Variants in CTNNA2 observed in about 807,000 individuals in gnomAD.
CTNNA2 encodes the protein catenin alpha 2, also known as catenin alpha-2.
Under a neutral mutation model 101.0 loss-of-function variants are expected in CTNNA2, and 42 were observed. That is an observed-to-expected ratio of 0.42 (90% CI 0.32 to 0.54). The LOEUF is 0.54. Ranked by LOEUF, CTNNA2 falls within the 20% of genes least tolerant of loss-of-function variation. CTNNA2 has a pLI of 0.14. For missense variants in CTNNA2, 871 were observed against 1,223.1 expected, an observed-to-expected ratio of 0.71 and a Z score of 4.29; for synonymous variants, 450 against 456.4, an observed-to-expected ratio of 0.99 and a Z score of 0.18.
At chr2:79,531,883 T>C (rs1380427010) in intron 1 of CTNNA2, among the ~76,000 whole-genome samples, 2 of 152,078 alleles carry the variant, frequency 1.3e-5, no homozygotes, top group South Asian at 2.1e-4. Context: ...GGTTTCACCA[T>C]GTTGGTCAGG....
chr2:80,623,685 A>C (rs927397916), intron 18 of CTNNA2, among the ~76,000 whole-genome samples: 3 of 151,854 alleles, frequency 2.0e-5, no homozygotes, highest in Non-Finnish European at 2.9e-5. Flanking sequence ...CATGTTGCAA[A>C]AACTTCTTGA....
chr2:79,973,973 A>G (rs1005351533), intron 7 of CTNNA2, among the ~76,000 whole-genome samples: 4 of 107,254 alleles, frequency 3.7e-5, no homozygotes, highest in Non-Finnish European at 8.1e-5. Flanking sequence ...TTTGTTTTTG[A>G]GTAATGTTGC....
intron 15 of CTNNA2, among the ~76,000 whole-genome samples, chr2:80,603,361 G>C (rs1272349932): frequency 1.3e-5 from 2 of 151,982 alleles, no homozygotes; most frequent in African/African-American, 2.4e-5. Flanking sequence ...GAAAATATTA[G>C]GGTGATGGTT....
chr2:80,074,397 C>A (rs1262609957), intron 7 of CTNNA2, among the ~76,000 whole-genome samples: 1 of 152,086 alleles, frequency 6.6e-6, no homozygotes, highest in African/African-American at 2.4e-5. Flanking sequence ...GGCATTTCCC[C>A]ATTTTGAAAG....
At chr2:79,776,248 C>T (rs1673954819) in intron 3 of CTNNA2, among the ~76,000 whole-genome samples, 1 of 151,860 alleles carries the variant, frequency 6.6e-6, no homozygotes. Flanking sequence ...TAATAAATTC[C>T]AACCAGTTAA....
chr2:79,242,186 T>G (rs1484011350), intron 2 of CTNNA2, among the ~76,000 whole-genome samples: 1 of 152,062 alleles, frequency 6.6e-6, no homozygotes, highest in Non-Finnish European at 1.5e-5. Context: ...GATTATAGGC[T>G]TGAGCCACCG....
chr2:79,472,426 C>T (rs938444910), intron 4 of CTNNA2, among the ~76,000 whole-genome samples: 3 of 152,196 alleles, frequency 2.0e-5, no homozygotes, highest in Admixed American at 6.5e-5. Flanking sequence ...TCCCACCTTT[C>T]AAAACCAAGG....
chr2:80,073,007 G>T (rs1698441511), intron 7 of CTNNA2, among the ~76,000 whole-genome samples: 1 of 152,170 alleles, frequency 6.6e-6, no homozygotes, highest in Non-Finnish European at 1.5e-5. Flanking sequence ...GAAAAAACTG[G>T]TTTTCATATT....
intron 9 of CTNNA2, among the ~76,000 whole-genome samples, chr2:80,457,401 T>C (rs1036683013): frequency 3.3e-5 from 5 of 152,170 alleles, no homozygotes; most frequent in Admixed American, 6.5e-5. Context: ...TAACATGTAT[T>C]GAGATAACAT....
intron 3 of CTNNA2, among the ~76,000 whole-genome samples, chr2:79,320,998 A>G (rs1573074611): frequency 6.6e-6 from 1 of 152,166 alleles, no homozygotes; most frequent in East Asian, 1.9e-4. Flanking sequence ...GTATCCTAGG[A>G]TCTTAGAGTA....
intron 7 of CTNNA2, among the ~76,000 whole-genome samples, chr2:80,329,766 A>T (rs1671154959): frequency 6.6e-6 from 1 of 152,204 alleles, no homozygotes; most frequent in South Asian, 2.1e-4. Flanking sequence ...TGTGTGCGGC[A>T]GGAAAGTGAC....
intron 2 of CTNNA2, among the ~76,000 whole-genome samples, chr2:79,234,141 G>C (rs1419164074): frequency 6.6e-6 from 1 of 151,448 alleles, no homozygotes; most frequent in Non-Finnish European, 1.5e-5. Flanking sequence ...TTGTTGGTGG[G>C]CTTTGTGCTT....
intron 7 of CTNNA2, among the ~76,000 whole-genome samples, chr2:80,329,768 GA>G (rs1466314734): frequency 5.3e-5 from 8 of 152,292 alleles, no homozygotes; most frequent in Admixed American, 4.6e-4. Flanking sequence ...TGTGCGGCAG[GA>G]AAGTGACTGT....
intron 9 of CTNNA2, among the ~76,000 whole-genome samples, chr2:80,427,732 C>T (rs1279262628): frequency 3.3e-5 from 5 of 152,220 alleles, no homozygotes; most frequent in African/African-American, 1.2e-4. Flanking sequence ...CAGTTCAGCA[C>T]CAGAGTGCCT....
chr2:79,506,317 TAA>T (rs113081681), intron 5 of CTNNA2, among the ~76,000 whole-genome samples: 6 of 141,500 alleles, frequency 4.2e-5, no homozygotes, highest in Admixed American at 7.1e-5. Flanking sequence ...TGTTACAAGT[TAA>T]AAAAAAAAAA....
chr2:79,927,440 G>A (rs563510091), intron 7 of CTNNA2, among the ~76,000 whole-genome samples: 67 of 152,144 alleles, frequency 4.4e-4, no homozygotes, highest in African/African-American at 1.5e-3. Context: ...AATGGAGTCT[G>A]AACTACAGAG....
intron 2 of CTNNA2, among the ~76,000 whole-genome samples, chr2:79,253,767 T>C (rs902487917): frequency 2.0e-5 from 3 of 152,232 alleles, no homozygotes; most frequent in African/African-American, 4.8e-5. Context: ...ATAATTGACA[T>C]TTCTGATCAT....
At chr2:79,881,187 G>A (rs2164050) in intron 6 of CTNNA2, among the ~76,000 whole-genome samples, 133,572 of 152,256 alleles carry the variant, frequency 0.88, 58,995 homozygotes, top group African/African-American at 0.97. Flanking sequence ...GACTGTTATG[G>A]TTTCAGTTCT....
At chr2:79,580,946 C>G (rs1454922628) in intron 1 of CTNNA2, among the ~76,000 whole-genome samples, 1 of 152,142 alleles carries the variant, frequency 6.6e-6, no homozygotes, top group African/African-American at 2.4e-5. Context: ...ATTTTACCAC[C>G]ATGTTTCCTT....
Sources: gnomAD v4.1 joint callset for allele counts (sites outside exome capture counted in the v4.1 genomes callset) on GRCh38, gnomAD v4.1.1 for gene constraint, MANE v1.5 for transcripts, NCBI Gene and HGNC (gene_info 2026-07-23, HGNC 2026-07-21) for gene names.